Variants in BAHD1 observed in about 807,000 individuals in gnomAD.
BAHD1 encodes the protein bromo adjacent homology domain-containing 1 protein.
A neutral mutation model predicts 63.1 loss-of-function variants in BAHD1; 20 were observed. That is an observed-to-expected ratio of 0.32 (90% CI 0.22 to 0.46). The LOEUF is 0.46. Ranked by LOEUF, BAHD1 falls within the 20% of genes least tolerant of loss-of-function variation. The pLI is 1.00. For missense variants in BAHD1, 939 were observed against 1,071.8 expected (o/e 0.88, Z 1.73); for synonymous variants, 408 against 426.8 (o/e 0.96, Z 0.54).
chr15:40,459,367 CA>C lies in BAHD1; in HGVS notation c.905del (p.Lys302ArgfsTer16). The C allele has an allele frequency of 6.2e-7, 1 of 1,612,862 alleles. No individual in the cohort carries two copies. The highest frequency in any genetic ancestry group is 8.5e-7 in the Non-Finnish European group (1 of 1,179,780). ...TCCAGCCATCTCATCAGCCCCTGAG[CA>C]AGGCTCTGGAGAGCCCTTTGGGGCT... Reference protein sequence around the residue: ...SVQPSHQPLSKALESPLGLRP... With the variant: ...SVQPSHQPLSXALESPLGLRP... On this transcript the variant is annotated frameshift_variant, in exon 2 of 7. Coordinates refer to ENST00000416165, the MANE Select transcript of BAHD1 (RefSeq NM_014952.5). LOFTEE classifies it high-confidence loss of function.
chr15:40,459,992 G>T (rs974240741), intron 2 of BAHD1, 96 bp downstream of exon 2: 49 of 1,403,980 alleles, frequency 3.5e-5, no homozygotes, highest in Admixed American at 2.8e-4. Flanking sequence ...CTCCCTTGGG[G>T]TCTGGCTGCT....
At chr15:40,437,456 C>T (rs943393649), upstream of BAHD1, among the ~76,000 whole-genome samples, 1 of 152,234 alleles carries the variant, frequency 6.6e-6, no homozygotes, top group Admixed American at 6.5e-5. Flanking sequence ...TCCCCCACCC[C>T]CCAGGGGCTT....
At chr15:40,453,798 A>G (rs1184086427) in intron 1 of BAHD1, 5 of 134,298 alleles carry the variant, frequency 3.7e-5, no homozygotes, top group Admixed American at 1.5e-4. Context: ...GCCCCCCCCA[A>G]CCCCCTGCAG....
At position 40,464,134 on chromosome 15, in the gene BAHD1, GCA is replaced by G; in HGVS notation, c.1975+117_1975+118del. The G allele has an allele frequency of 4.8e-6, 6 of 1,260,356 alleles. 1 individual carries two copies. The South Asian group carries it at 7.3e-5, about 15-fold the overall frequency. The allele number at this position is 1,260,356 out of a possible 1,614,324, so 78.1% of individuals were successfully genotyped here. On this transcript the variant is annotated intron_variant, in intron 4 of 6. Transcript: ENST00000416165. ...TGGCGTGAGTCTCCCCGTGTTCCTG[GCA>G]CAGAGTCTGCCTTCCACTCGGCTGG...
rs777564497 is a variant in BAHD1 at position 40,458,978 on chromosome 15, C to T, written c.514C>T (p.Arg172Trp). ...GGWSSSKKRP[R>W]LGDLGGGSRD... is the part of the protein sequence containing the mutation. ...CTGGTCCTCCTCCAAGAAGCGGCCC[C>T]GGCTGGGGGACCTTGGAGGAGGAAG... Residue 172 changes from arginine (R) to tryptophan (W), a missense_variant, in exon 2 of 7, where the codon CGG (arginine) becomes TGG (tryptophan). Physicochemically the swap from Arg to Trp is moderately radical, Grantham distance 101 (BLOSUM62 -3). Around this residue, in one of 5 missense-constraint regions of BAHD1, gnomAD observed 797 missense variants for 813.3 expected, o/e 0.98. Transcript: ENST00000416165. This position sits in a 1 kb window ranked among gnomAD's most constrained non-coding sequence, Gnocchi z 4.7. 27 of 1,583,622 alleles carry T rather than the reference C, an allele frequency of 1.7e-5. No individual in the cohort carries two copies. The highest frequency in any genetic ancestry group is 8.1e-5 in the African/African-American group (6 of 74,320).
rs1354356887 is a variant in BAHD1, at chr15:40,458,308, G to A, written c.-14-143G>A. On this transcript the variant is annotated intron_variant, in intron 1 of 6. Transcript: ENST00000416165. The surrounding 1 kb of genome is among the most constrained non-coding windows in gnomAD (Gnocchi z 4.7). ...TGCCCCTTCACACTCTGGAAAGGGA[G>A]TCCCAGGAAAATCCATACTGGAGAC... 3 of 1,099,004 alleles carry A rather than the reference G, an allele frequency of 2.7e-6. No homozygotes were observed. Among genetic ancestry groups the A allele is most frequent in the Non-Finnish European group, 3.8e-6 (3 of 794,582 alleles). The allele number at this position is 1,099,004 out of a possible 1,614,324, so 68.1% of individuals were successfully genotyped here. A position where few individuals can be genotyped will look rare whatever the true frequency, so the allele number is the denominator to read the frequency against.
At chr15:40,443,094 G>C (rs1351987547) in intron 1 of BAHD1, among the ~76,000 whole-genome samples, 1 of 152,250 alleles carries the variant, frequency 6.6e-6, no homozygotes, top group Non-Finnish European at 1.5e-5. Context: ...GGAAACTCAG[G>C]CTGTTTCAGA....
chr15:40,452,375 G>T (rs556909216), intron 1 of BAHD1, among the ~76,000 whole-genome samples: 1 of 152,386 alleles, frequency 6.6e-6, no homozygotes, highest in African/African-American at 2.4e-5. Flanking sequence ...CCTCATTCAG[G>T]TGGCACAGAC....
chr15:40,464,606 C>T (rs1004079177), intron 5 of BAHD1, 59 bp downstream of exon 5: 4 of 1,451,018 alleles, frequency 2.8e-6, no homozygotes, highest in Non-Finnish European at 3.8e-6. Context: ...AAGGTTATGG[C>T]ACTAAGACGT....
intron 1 of BAHD1, among the ~76,000 whole-genome samples, chr15:40,442,236 G>A (rs1458348799): frequency 6.6e-6 from 1 of 152,082 alleles, no homozygotes; most frequent in Non-Finnish European, 1.5e-5. Context: ...GTCGGGGAGG[G>A]GAGCGGGTCC....
At chr15:40,450,509 T>C (rs1566960213) in intron 1 of BAHD1, among the ~76,000 whole-genome samples, 1 of 152,324 alleles carries the variant, frequency 6.6e-6, no homozygotes, top group East Asian at 1.9e-4. Context: ...AGAAGGCTGG[T>C]GAGCTGTTCA....
chr15:40,449,814 C>G (rs1231813127), intron 1 of BAHD1, among the ~76,000 whole-genome samples: 1 of 55,148 alleles, frequency 1.8e-5, no homozygotes, highest in African/African-American at 6.2e-5. Context: ...GACCCTGTCT[C>G]AAAAAAAAAA....
At chr15:40,451,382 A>G (rs1222547754) in intron 1 of BAHD1, among the ~76,000 whole-genome samples, 2 of 152,226 alleles carry the variant, frequency 1.3e-5, no homozygotes, top group Non-Finnish European at 1.5e-5. Flanking sequence ...GCAGTCCATT[A>G]TAGCCCTTGT....
intron 1 of BAHD1, among the ~76,000 whole-genome samples, chr15:40,452,073 C>T (rs745558966): frequency 6.6e-6 from 1 of 152,218 alleles, no homozygotes; most frequent in Non-Finnish European, 1.5e-5. Context: ...TTTCTCTTGT[C>T]CTCAGCCCCT....
intron 1 of BAHD1, among the ~76,000 whole-genome samples, chr15:40,446,511 C>T (rs1277960616): frequency 1.3e-5 from 2 of 152,212 alleles, no homozygotes; most frequent in Admixed American, 6.5e-5. Flanking sequence ...TCACTTGACT[C>T]AGTGTCCCCC....
upstream of BAHD1, among the ~76,000 whole-genome samples, chr15:40,438,958 C>G (rs1893331185): frequency 6.6e-6 from 1 of 152,236 alleles, no homozygotes; most frequent in Admixed American, 6.5e-5. Flanking sequence ...CCCTCCACCA[C>G]CAATCTCTGA....
chr15:40,464,386 C>A, intron 4 of BAHD1, 85 bp from the exon 5 acceptor site: 1 of 1,242,538 alleles, frequency 8.0e-7, no homozygotes. Context: ...TTGGATGAAC[C>A]TCCAGGGCAG....
upstream of BAHD1, among the ~76,000 whole-genome samples, chr15:40,440,784 C>T (rs867366784): frequency 2.2e-4 from 33 of 152,224 alleles, no homozygotes; most frequent in Non-Finnish European, 3.8e-4. Context: ...GACGACCGAC[C>T]CACGGTTCTG....
At chr15:40,464,978 G>A in intron 5 of BAHD1, 1 of 386,836 alleles carries the variant, frequency 2.6e-6, no homozygotes, top group Non-Finnish European at 4.8e-6. Context: ...ACTGCCATCT[G>A]TGTGTGCCCT....
Sources: gnomAD v4.1 joint callset for allele counts (sites outside exome capture counted in the v4.1 genomes callset) on GRCh38, gnomAD v4.1.1 for gene constraint, gnomAD v4.1.1 regional missense constraint, Gnocchi (gnomAD v3.1) non-coding constraint, MANE v1.5 for transcripts, NCBI Gene and HGNC (gene_info 2026-07-23, HGNC 2026-07-21) for gene names.